The following DIAPH3 variants were observed in gnomAD, a reference collection of about 807,000 sequenced individuals.
DIAPH3 encodes diaphanous related formin 3.
Under a neutral mutation model 144.3 loss-of-function variants are expected in DIAPH3, and 117 were observed. That is an observed-to-expected ratio of 0.81 (90% CI 0.70 to 0.95). The LOEUF (loss-of-function observed/expected upper bound fraction) is 0.95, where lower values mean the gene tolerates loss of function less well. Ranked by LOEUF, DIAPH3 falls within the 40% of genes least tolerant of loss-of-function variation. DIAPH3 has a pLI of 0.00. For synonymous variants in DIAPH3, 519 were observed against 488.9 expected, an observed-to-expected ratio of 1.06 and a Z score of -0.81; for missense variants, 1,421 against 1,412.7, an observed-to-expected ratio of 1.01 and a Z score of -0.09.
chr13:59,700,968 T>G (rs1208111816), intron 27 of DIAPH3, among the ~76,000 whole-genome samples: 1 of 152,204 alleles, frequency 6.6e-6, no homozygotes, highest in Admixed American at 6.5e-5. Flanking sequence ...GCTACTCAGA[T>G]TAAGTTTCAA....
intron 25 of DIAPH3, among the ~76,000 whole-genome samples, chr13:59,790,897 C>A (rs1269356444): frequency 6.6e-6 from 1 of 152,128 alleles, no homozygotes; most frequent in Non-Finnish European, 1.5e-5. Flanking sequence ...AAAAAGCTGA[C>A]AAAATGAATA....
At chr13:59,676,913 T>C (rs1418390777) in intron 27 of DIAPH3, among the ~76,000 whole-genome samples, 2 of 152,172 alleles carry the variant, frequency 1.3e-5, no homozygotes, top group African/African-American at 2.4e-5. Context: ...TACATAGAAA[T>C]GTTCCTTTAC....
chr13:59,931,757 G>C (rs1485488091), intron 17 of DIAPH3, among the ~76,000 whole-genome samples: 1 of 152,194 alleles, frequency 6.6e-6, no homozygotes, highest in Non-Finnish European at 1.5e-5. Flanking sequence ...TGTTTATTTA[G>C]ATAAACGATG....
At chr13:59,673,904 T>C (rs760112101) in intron 27 of DIAPH3, among the ~76,000 whole-genome samples, 5 of 152,216 alleles carry the variant, frequency 3.3e-5, no homozygotes, top group Non-Finnish European at 7.3e-5. Context: ...GTTTCTGATT[T>C]GTATTCTTTT....
chr13:60,034,810 A>G (rs1231761483), intron 5 of DIAPH3: 1 of 152,182 alleles, frequency 6.6e-6, no homozygotes, highest in Non-Finnish European at 1.5e-5. Flanking sequence ...ATACTTAAGT[A>G]TCAGTAATAT....
chr13:60,068,529 T>C (rs2057065028), intron 4 of DIAPH3, among the ~76,000 whole-genome samples: 1 of 152,158 alleles, frequency 6.6e-6, no homozygotes, highest in African/African-American at 2.4e-5. Context: ...GTTCAAGGGA[T>C]ACATGTGCAG....
intron 22 of DIAPH3, among the ~76,000 whole-genome samples, chr13:59,853,781 C>T (rs2043110208): frequency 6.6e-6 from 1 of 152,154 alleles, no homozygotes; most frequent in Non-Finnish European, 1.5e-5. Flanking sequence ...ATTTCTGAAG[C>T]ATATTAACAA....
chr13:59,826,365 C>T (rs1258357106), intron 24 of DIAPH3, among the ~76,000 whole-genome samples: 2 of 140,650 alleles, frequency 1.4e-5, no homozygotes, highest in East Asian at 2.1e-4. Flanking sequence ...ACAAAAATCA[C>T]AAGCATTCTT....
chr13:59,741,866 G>T (rs145910410), intron 27 of DIAPH3, among the ~76,000 whole-genome samples: 59 of 152,248 alleles, frequency 3.9e-4, no homozygotes, highest in African/African-American at 1.3e-3. Context: ...GTTCATGACT[G>T]AGACCCCTAT....
rs368347883 is a variant in DIAPH3 at position 59,879,255 on chromosome 13, C to T, written c.2581G>A (p.Gly861Arg). 13 of 1,613,462 alleles carry T rather than the reference C, an allele frequency of 8.1e-6. No individual in the cohort carries two copies. Among genetic ancestry groups the T allele is most frequent in the Non-Finnish European group, 1.0e-5 (12 of 1,179,756 alleles). The change falls in exon 21 of 28, where the codon GGA becomes AGA. Residue 861 changes from glycine to arginine, a missense_variant. By Grantham distance (125) the Gly-to-Arg change is moderately radical (BLOSUM62 -2). Coordinates refer to ENST00000400324, the MANE Select transcript of DIAPH3 (RefSeq NM_001042517.2). ...NAGSRNAQTF[G>R]FNLSSLCKLK... ...TTACAGAGAGAGCTAAGGTTAAATC[C>T]GAAGGTTTGAGCATTCCGGGAGCCA...
At chr13:60,006,839 A>C (rs1022878679) in intron 9 of DIAPH3, among the ~76,000 whole-genome samples, 26 of 152,282 alleles carry the variant, frequency 1.7e-4, no homozygotes, top group African/African-American at 6.3e-4. Context: ...CCTCGAAGCC[A>C]ATGTCATCTA....
chr13:59,684,062 AAAC>A (rs1403892824), intron 27 of DIAPH3, among the ~76,000 whole-genome samples: 1 of 152,070 alleles, frequency 6.6e-6, no homozygotes, highest in Non-Finnish European at 1.5e-5. Flanking sequence ...AAAAAAAAAA[AAAC>A]AAGGCCAAGG....
chr13:59,826,726 C>T (rs2041455461), intron 24 of DIAPH3, among the ~76,000 whole-genome samples: 1 of 151,984 alleles, frequency 6.6e-6, no homozygotes, highest in African/African-American at 2.4e-5. Flanking sequence ...ATCGCCAAGT[C>T]AATCCTAAGC....
intron 20 of DIAPH3, among the ~76,000 whole-genome samples, chr13:59,883,290 T>C (rs184582881): frequency 1.2e-4 from 18 of 152,286 alleles, no homozygotes; most frequent in Non-Finnish European, 2.1e-4. Context: ...TCCATTATTC[T>C]ATAAGGAAAA....
chr13:59,873,785 G>A (rs2044432058), intron 21 of DIAPH3, among the ~76,000 whole-genome samples: 1 of 149,882 alleles, frequency 6.7e-6, no homozygotes, highest in African/African-American at 2.5e-5. Context: ...TCCTGCCTCA[G>A]CCTCACGAAT....
chr13:59,808,328 C>T (rs1354658590), intron 25 of DIAPH3, among the ~76,000 whole-genome samples: 1 of 151,722 alleles, frequency 6.6e-6, no homozygotes, highest in Non-Finnish European at 1.5e-5. Context: ...TAAAAATGAA[C>T]TTATAAACGC....
chr13:59,843,234 G>C (rs1358464468), intron 22 of DIAPH3, among the ~76,000 whole-genome samples: 1 of 152,170 alleles, frequency 6.6e-6, no homozygotes, highest in Non-Finnish European at 1.5e-5. Flanking sequence ...GTACCGTATG[G>C]ATATAGAAGT....
chr13:59,777,260 C>T (rs1202949997), intron 25 of DIAPH3, among the ~76,000 whole-genome samples: 1 of 151,916 alleles, frequency 6.6e-6, no homozygotes, highest in Non-Finnish European at 1.5e-5. Context: ...ATTGCCTTGG[C>T]CAAATTTAGG....
intron 25 of DIAPH3, among the ~76,000 whole-genome samples, chr13:59,793,254 T>A (rs2139416964): frequency 1.3e-5 from 2 of 152,294 alleles, no homozygotes; most frequent in Admixed American, 1.3e-4. Context: ...CCACCCCTCC[T>A]GCCGCCCTCA....
Sources: allele counts gnomAD v4.1 joint callset (sites outside exome capture counted in the v4.1 genomes callset), GRCh38; gene constraint gnomAD v4.1.1; transcripts MANE v1.5; gene names NCBI Gene and HGNC (gene_info 2026-07-23, HGNC 2026-07-21).